The following TFDP1 variants were observed in gnomAD, a reference collection of about 807,000 sequenced individuals.
TFDP1 encodes the protein DRTF1-polypeptide 1.
TFDP1 carries 6 observed loss-of-function variants against 48.0 expected under a neutral mutation model. The observed-to-expected ratio is 0.13, with a 90% CI of 0.07 to 0.25. TFDP1 has a LOEUF of 0.25. TFDP1 is among the 10% of genes least tolerant of loss of function. The pLI is 1.00. For missense variants in TFDP1, 335 were observed against 543.0 expected, an observed-to-expected ratio of 0.62 and a Z score of 3.81; for synonymous variants, 201 against 211.6, an observed-to-expected ratio of 0.95 and a Z score of 0.44.
chr13:113,634,812 TGC>T (rs936299143), intron 8 of TFDP1, among the ~76,000 whole-genome samples: 23 of 150,384 alleles, frequency 1.5e-4, no homozygotes, highest in Non-Finnish European at 2.8e-4. Context: ...CATGTGTGTG[TGC>T]GTGCATGCAT....
chr13:113,631,944 T>A, intron 5 of TFDP1, 200 bp downstream of exon 5: 1 of 704,608 alleles, frequency 1.4e-6, no homozygotes, highest in Non-Finnish European at 2.2e-6. Context: ...CATGGAGAAG[T>A]CGGGCTGGGC....
At chr13:113,622,004 T>C (rs1163063118) in intron 3 of TFDP1, among the ~76,000 whole-genome samples, 3 of 152,226 alleles carry the variant, frequency 2.0e-5, no homozygotes, top group African/African-American at 4.8e-5. Flanking sequence ...GTCTCTGATA[T>C]GCAGAAATAA....
chr13:113,626,637 G>T (rs1490894768), intron 4 of TFDP1, among the ~76,000 whole-genome samples: 1 of 152,146 alleles, frequency 6.6e-6, no homozygotes, highest in Non-Finnish European at 1.5e-5. Context: ...CAAAAAACTT[G>T]CTCTGCAGAA....
intron 4 of TFDP1, among the ~76,000 whole-genome samples, chr13:113,629,823 C>T (rs2049286817): frequency 6.6e-6 from 1 of 152,184 alleles, no homozygotes; most frequent in South Asian, 2.1e-4. Context: ...TGGAGGACAG[C>T]GGCACGGTGA....
At chr13:113,629,094 G>A (rs900642747) in intron 4 of TFDP1, among the ~76,000 whole-genome samples, 1 of 152,244 alleles carries the variant, frequency 6.6e-6, no homozygotes, top group Non-Finnish European at 1.5e-5. Context: ...CAGGGCTGGT[G>A]AGCAGCAGGT....
intron 2 of TFDP1, among the ~76,000 whole-genome samples, chr13:113,587,325 G>T (rs1383984104): frequency 6.6e-6 from 1 of 152,016 alleles, no homozygotes; most frequent in Non-Finnish European, 1.5e-5. Context: ...GCACTCAGGG[G>T]TTGTGATCTG....
chr13:113,615,712 T>A (rs1293829966), intron 3 of TFDP1, among the ~76,000 whole-genome samples: 1 of 152,160 alleles, frequency 6.6e-6, no homozygotes, highest in Non-Finnish European at 1.5e-5. Flanking sequence ...AAGACCAGTC[T>A]GGGCAACAAC....
chr13:113,589,491 G>A (rs953662769), intron 2 of TFDP1, among the ~76,000 whole-genome samples: 1 of 152,188 alleles, frequency 6.6e-6, no homozygotes, highest in Non-Finnish European at 1.5e-5. Flanking sequence ...GTGCAGTCCT[G>A]TCTTAAGTTT....
At chr13:113,612,443 G>A (rs936674219) in intron 3 of TFDP1, among the ~76,000 whole-genome samples, 1 of 152,176 alleles carries the variant, frequency 6.6e-6, no homozygotes, top group Non-Finnish European at 1.5e-5. Flanking sequence ...AGCCCTTTTG[G>A]GATTATTTAT....
intron 3 of TFDP1, among the ~76,000 whole-genome samples, chr13:113,611,804 G>A (rs1462597434): frequency 1.3e-5 from 2 of 150,998 alleles, no homozygotes; most frequent in East Asian, 2.0e-4. Context: ...AGGGTAGTTC[G>A]TTGTGGTTTG....
intron 3 of TFDP1, among the ~76,000 whole-genome samples, chr13:113,614,785 C>T (rs1253309667): frequency 6.6e-6 from 1 of 152,236 alleles, no homozygotes; most frequent in East Asian, 1.9e-4. Flanking sequence ...GGACTCACTA[C>T]AGGACCCACC....
intron 2 of TFDP1, among the ~76,000 whole-genome samples, chr13:113,594,795 A>G (rs1027150731): frequency 6.6e-6 from 1 of 152,268 alleles, no homozygotes; most frequent in African/African-American, 2.4e-5. Context: ...CAAGAAAATA[A>G]TATGACTTAC....
intron 2 of TFDP1, among the ~76,000 whole-genome samples, chr13:113,586,665 G>A (rs1206590843): frequency 1.3e-5 from 2 of 152,214 alleles, no homozygotes; most frequent in African/African-American, 2.4e-5. Context: ...CATCTGTAGC[G>A]AAAATGCGTC....
chr13:113,636,810 G>T, intron 10 of TFDP1, 110 bp downstream of exon 10: 1 of 1,297,466 alleles, frequency 7.7e-7, no homozygotes, highest in South Asian at 1.5e-5. Context: ...TCAGGCCCAC[G>T]TGTGTAGGGC....
At position 113,633,204 on chromosome 13, in the gene TFDP1, G is replaced by C; in HGVS notation, c.393G>C (p.Gly131=). The change falls in exon 6 of 12, where the codon GGG becomes GGC. Residue 131 remains glycine, a synonymous_variant. Transcript: ENST00000375370. The surrounding 1 kb of genome is among the most constrained non-coding windows in gnomAD (Gnocchi z 4.5). ...TCTGCGAGAAGGTGCAGAGGAAAGGGACCACTTCCTACAACGAAGTGGCAG... is the reference window on the plus strand; with the variant it reads ...TCTGCGAGAAGGTGCAGAGGAAAGGCACCACTTCCTACAACGAAGTGGCAG... ...MKVCEKVQRK[G]TTSYNEVADE... is the part of the protein sequence containing the mutation. 3.1e-6 allele frequency: 5 copies of C among 1,614,108 alleles called. No homozygotes were observed. The highest frequency in any genetic ancestry group is 4.2e-6 in the Non-Finnish European group (5 of 1,180,034).
At chr13:113,638,981 G>A (rs1004953834) in intron 11 of TFDP1, among the ~76,000 whole-genome samples, 2 of 152,208 alleles carry the variant, frequency 1.3e-5, no homozygotes, top group African/African-American at 2.4e-5. Flanking sequence ...GCCATGAGAT[G>A]TAACAGGTGT....
chr13:113,631,555 A>G lies in TFDP1; in HGVS notation c.187-68A>G. The stretch of plus-strand genomic sequence containing the variant: ...AGCAGTGGCTGCGGATAGCGAACAG[A>G]TGGTGGGCATGGCACCCTCGCCGTG... On this transcript the variant is annotated intron_variant, in intron 4 of 11. Transcript: ENST00000375370. 1.9e-6 allele frequency: 3 copies of G among 1,551,832 alleles called. 1 individual carries two copies. In the South Asian group the frequency reaches 3.7e-5, roughly 19 times the overall value.
At chr13:113,611,132 G>C (rs1228520257) in intron 3 of TFDP1, 70 bp downstream of exon 3, 1 of 1,408,828 alleles carries the variant, frequency 7.1e-7, no homozygotes, top group Non-Finnish European at 1.0e-6. Context: ...TTATGAAGCT[G>C]TTGACGCTGA....
chr13:113,625,599 C>T (rs1594507912), intron 4 of TFDP1, among the ~76,000 whole-genome samples: 1 of 117,612 alleles, frequency 8.5e-6, no homozygotes. Flanking sequence ...GTGTCTCTCA[C>T]GTGTCTTCAG....
Sources: allele counts gnomAD v4.1 joint callset (sites outside exome capture counted in the v4.1 genomes callset), GRCh38; gene constraint gnomAD v4.1.1; non-coding constraint Gnocchi (gnomAD v3.1); transcripts MANE v1.5; gene names NCBI Gene and HGNC (gene_info 2026-07-23, HGNC 2026-07-21).